MAGI3: variants seen among roughly 807,000 people sequenced by gnomAD.
The protein encoded by MAGI3 is membrane-associated guanylate kinase, WW and PDZ domain-containing protein 3.
In MAGI3, 43 loss-of-function variants were observed where a neutral mutation model predicts 121.8. That is an observed-to-expected ratio of 0.35 (90% CI 0.28 to 0.46). MAGI3 has a LOEUF of 0.46. Among genes scored for constraint, MAGI3 ranks in the 20% least tolerant of loss-of-function variants. The pLI is 1.00. For missense variants in MAGI3, 1,547 were observed against 1,797.3 expected, an observed-to-expected ratio of 0.86 and a Z score of 2.52; for synonymous variants, 553 against 639.3, an observed-to-expected ratio of 0.86 and a Z score of 2.04.
At chr1:113,590,238 T>C (rs1392621086) in intron 4 of MAGI3, among the ~76,000 whole-genome samples, 2 of 152,154 alleles carry the variant, frequency 1.3e-5, no homozygotes, top group South Asian at 2.1e-4. Flanking sequence ...GAATTAATTC[T>C]ATTGTTGTTT....
chr1:113,592,697 A>G (rs563337969), intron 5 of MAGI3, among the ~76,000 whole-genome samples: 20 of 152,314 alleles, frequency 1.3e-4, no homozygotes, highest in African/African-American at 4.8e-4. Flanking sequence ...TTCTACAGAA[A>G]TAAGCTATTA....
intron 1 of MAGI3, among the ~76,000 whole-genome samples, chr1:113,531,687 A>G (rs983412986): frequency 1.8e-5 from 2 of 110,318 alleles, no homozygotes; most frequent in African/African-American, 3.5e-5. Flanking sequence ...CCCCGACTCT[A>G]TGTTTGAACA....
At chr1:113,481,310 T>A (rs893233171) in intron 1 of MAGI3, among the ~76,000 whole-genome samples, 1 of 152,228 alleles carries the variant, frequency 6.6e-6, no homozygotes, top group Non-Finnish European at 1.5e-5. Context: ...AGGTCCGCCT[T>A]TGTAGTTCAC....
chr1:113,395,723 G>A (rs1426949328), intron 1 of MAGI3, among the ~76,000 whole-genome samples: 2 of 151,692 alleles, frequency 1.3e-5, no homozygotes, highest in Middle Eastern at 3.4e-3. Flanking sequence ...TCATTTTCTA[G>A]TATATCATTT....
intron 20 of MAGI3, 145 bp from the exon 21 acceptor site, chr1:113,682,752 A>T: frequency 7.1e-7 from 1 of 1,411,900 alleles, no homozygotes; most frequent in South Asian, 1.7e-5. Context: ...ATAGAGAGAT[A>T]TGTTGTAAAC....
intron 15 of MAGI3, among the ~76,000 whole-genome samples, chr1:113,656,905 GA>G (rs1011321715): frequency 6.6e-5 from 10 of 152,184 alleles, no homozygotes; most frequent in African/African-American, 2.2e-4. Context: ...GGAGTACTTA[GA>G]AAAGGCCTCT....
intron 9 of MAGI3, among the ~76,000 whole-genome samples, chr1:113,631,714 T>C (rs1360912639): frequency 6.6e-6 from 1 of 152,166 alleles, no homozygotes; most frequent in African/African-American, 2.4e-5. Flanking sequence ...ATCTTGCCGT[T>C]TTTCCCAAGT....
chr1:113,484,350 C>T (rs906480271), intron 1 of MAGI3, among the ~76,000 whole-genome samples: 6 of 152,034 alleles, frequency 3.9e-5, no homozygotes, highest in Admixed American at 3.9e-4. Flanking sequence ...GCACCCATCA[C>T]CCAAGCAGTG....
At chr1:113,448,023 T>G (rs1654270664) in intron 1 of MAGI3, among the ~76,000 whole-genome samples, 1 of 152,204 alleles carries the variant, frequency 6.6e-6, no homozygotes, top group African/African-American at 2.4e-5. Flanking sequence ...TATTCTAATT[T>G]TGGTAATATT....
chr1:113,631,898 A>G (rs948162606), intron 9 of MAGI3, among the ~76,000 whole-genome samples: 1 of 152,202 alleles, frequency 6.6e-6, no homozygotes, highest in African/African-American at 2.4e-5. Flanking sequence ...TTTGTGGTTC[A>G]GGAACTTGGA....
At chr1:113,636,401 G>A (rs1252375037) in intron 9 of MAGI3, among the ~76,000 whole-genome samples, 2 of 152,206 alleles carry the variant, frequency 1.3e-5, no homozygotes, top group African/African-American at 4.8e-5. Context: ...TGCTTTGAAT[G>A]TGTCCCAGAG....
At chr1:113,548,383 T>C (rs1659631078) in intron 1 of MAGI3, among the ~76,000 whole-genome samples, 1 of 152,218 alleles carries the variant, frequency 6.6e-6, no homozygotes, top group Non-Finnish European at 1.5e-5. Context: ...TGAGAGCCCT[T>C]ATATCTCTCT....
At chr1:113,559,831 A>C (rs1006492095) in intron 2 of MAGI3, among the ~76,000 whole-genome samples, 5 of 152,198 alleles carry the variant, frequency 3.3e-5, no homozygotes, top group African/African-American at 1.2e-4. Context: ...TTGGCCTGCC[A>C]AAGTCCTGTG....
At chr1:113,635,437 C>G (rs756690895) in intron 9 of MAGI3, among the ~76,000 whole-genome samples, 12 of 151,314 alleles carry the variant, frequency 7.9e-5, no homozygotes, top group South Asian at 4.2e-4. Context: ...TAGCATGAAG[C>G]GTTGTTGAAT....
intron 1 of MAGI3, among the ~76,000 whole-genome samples, chr1:113,507,482 A>G (rs537545886): frequency 1.3e-5 from 2 of 152,222 alleles, no homozygotes; most frequent in South Asian, 4.1e-4. Context: ...TGTAAATCTA[A>G]CCTTTTCTCT....
chr1:113,672,564 T>C (rs776832920), intron 17 of MAGI3, 51 bp from the exon 18 acceptor site: 2 of 1,574,290 alleles, frequency 1.3e-6, no homozygotes, highest in Non-Finnish European at 8.6e-7. Flanking sequence ...GCCTTTAGAC[T>C]GTTTTTCATT....
chr1:113,646,346 A>G (rs1259344787), intron 11 of MAGI3, 140 bp from the exon 12 acceptor site: 2 of 590,800 alleles, frequency 3.4e-6, no homozygotes, highest in Non-Finnish European at 5.6e-6. Flanking sequence ...AATTCCTGTA[A>G]CTGTAAATCT....
chr1:113,467,598 T>G (rs1484604272), intron 1 of MAGI3, among the ~76,000 whole-genome samples: 1 of 152,172 alleles, frequency 6.6e-6, no homozygotes, highest in Non-Finnish European at 1.5e-5. Flanking sequence ...AGTGGTATGG[T>G]CATAGCTCTC....
At chr1:113,401,300 C>T (rs1461281855) in intron 1 of MAGI3, among the ~76,000 whole-genome samples, 2 of 152,102 alleles carry the variant, frequency 1.3e-5, no homozygotes, top group African/African-American at 2.4e-5. Flanking sequence ...GAATTGTTTG[C>T]GTGGGTGTTA....
Sources: allele counts gnomAD v4.1 joint callset (sites outside exome capture counted in the v4.1 genomes callset), GRCh38; gene constraint gnomAD v4.1.1; transcripts MANE v1.5; gene names NCBI Gene and HGNC (gene_info 2026-07-23, HGNC 2026-07-21).